Variants in GNAS observed in about 807,000 individuals in gnomAD.
GNAS encodes protein ALEX.
GNAS carries 8 observed loss-of-function variants against 54.5 expected under a neutral mutation model. The observed-to-expected ratio is 0.15, with a 90% CI of 0.09 to 0.26. The LOEUF is 0.26. GNAS is among the 10% of genes least tolerant of loss of function. The probability of loss-of-function intolerance (pLI) is 1.00; values close to 1 mark genes in which losing one functional copy is unlikely to be tolerated. For missense variants in GNAS, 170 were observed against 529.8 expected, an observed-to-expected ratio of 0.32 and a Z score of 6.67; for synonymous variants, 204 against 191.4, an observed-to-expected ratio of 1.07 and a Z score of -0.54.
rs2091289384 is a variant in GNAS at position 58,909,371 on chromosome 20, C to T, written c.607C>T (p.Leu203=). ...SDQDLLRCRV[L]TSGIFETKFQ... ...TCAGGACCTGCTTCGCTGCCGTGTC[C>T]TGACTTCTGGAATCTTTGAGACCAA... The change falls in exon 8 of 13, where the codon CTG becomes TTG. Residue 203 remains leucine (L), a synonymous_variant. Transcript: ENST00000371085. This position sits in a 1 kb window ranked among gnomAD's most constrained non-coding sequence, Gnocchi z 7.3. 2 of 1,613,918 alleles carry T rather than the reference C, an allele frequency of 1.2e-6. No homozygotes were observed. The highest frequency in any genetic ancestry group is 1.7e-6 in the Non-Finnish European group (2 of 1,179,882).
intron 1 of GNAS, among the ~76,000 whole-genome samples, chr20:58,875,241 G>A (rs1045122637): frequency 3.3e-5 from 5 of 152,102 alleles, no homozygotes; most frequent in East Asian, 1.9e-4. Context: ...CTGGGTGATC[G>A]TGGATGAGCA....
At chr20:58,869,077 C>T (rs1273670174) in intron 1 of GNAS, among the ~76,000 whole-genome samples, 2 of 152,136 alleles carry the variant, frequency 1.3e-5, no homozygotes, top group Non-Finnish European at 2.9e-5. Flanking sequence ...GGACAAATCC[C>T]GGCAACTTTT....
intron 3 of GNAS, among the ~76,000 whole-genome samples, chr20:58,902,323 C>T (rs933326165): frequency 6.6e-6 from 1 of 152,172 alleles, no homozygotes; most frequent in Non-Finnish European, 1.5e-5. Context: ...AACATAAACT[C>T]GAGAACCTTC....
At chr20:58,899,052 A>G (rs1281601950) in intron 3 of GNAS, 67 bp downstream of exon 3, 1 of 1,205,888 alleles carries the variant, frequency 8.3e-7, no homozygotes, top group African/African-American at 1.5e-5. Context: ...ATACTGGGAA[A>G]CTGAGGCCAG....
Position 58,891,499 on chromosome 20 carries a change from C to T in GNAS, c.-228C>T, listed in dbSNP as rs2089304169. On this transcript the variant is annotated 5_prime_UTR_variant, in exon 1 of 13. Transcript: ENST00000371085. Reference sequence around the variant, plus strand: ...GCCCCCTCGGCCTCGGCTCGAGGGGCGGGGAGCTGCGCGCGCCCCTCGGTC... The same window carrying T: ...GCCCCCTCGGCCTCGGCTCGAGGGGTGGGGAGCTGCGCGCGCCCCTCGGTC... 1.0e-6 allele frequency: 1 copy of T among 969,412 alleles called. No individual in the cohort carries two copies. The highest frequency in any genetic ancestry group is 4.6e-5 in the South Asian group (1 of 21,612). 60.1% of individuals were successfully genotyped at this position (969,412 alleles called of 1,614,324 possible).
At chr20:58,885,616 A>C (rs180932245) in intron 1 of GNAS, among the ~76,000 whole-genome samples, 2 of 147,884 alleles carry the variant, frequency 1.4e-5, no homozygotes, top group Admixed American at 1.3e-4. Flanking sequence ...AGTGAATATG[A>C]CAAGAAAAAA....
chr20:58,891,894 G>A (rs1488413758), intron 1 of GNAS, 29 bp downstream of exon 1: 3 of 1,063,088 alleles, frequency 2.8e-6, no homozygotes, highest in Non-Finnish European at 3.5e-6. Context: ...CGCCGGCCCC[G>A]GCCCGGGGGC....
chr20:58,898,162 C>T (rs747746064), intron 2 of GNAS: 1 of 152,196 alleles, frequency 6.6e-6, no homozygotes, highest in African/African-American at 2.4e-5. Context: ...ATTGGTTGAA[C>T]TAAGCTAATC....
intron 1 of GNAS, among the ~76,000 whole-genome samples, chr20:58,885,850 G>T (rs1184782929): frequency 1.3e-5 from 2 of 152,256 alleles, no homozygotes; most frequent in Non-Finnish European, 2.9e-5. Flanking sequence ...CACTGTGGAA[G>T]TGCTAAATAC....
At chr20:58,871,639 A>AC (rs1457327893) in intron 1 of GNAS, among the ~76,000 whole-genome samples, 2 of 149,508 alleles carry the variant, frequency 1.3e-5, no homozygotes, top group Middle Eastern at 3.2e-3. Flanking sequence ...ACAAACAACA[A>AC]AAAAAAAACC....
chr20:58,845,683 T>C (rs1040662250), intron 1 of GNAS, among the ~76,000 whole-genome samples: 1 of 152,252 alleles, frequency 6.6e-6, no homozygotes, highest in Non-Finnish European at 1.5e-5. Context: ...TTCCCTTGTT[T>C]AAAAATCTCA....
upstream of GNAS, chr20:58,889,192 A>G: frequency 8.2e-7 from 1 of 1,214,846 alleles, no homozygotes; most frequent in Non-Finnish European, 1.1e-6. Context: ...TCGCGTCGGC[A>G]CCGCGGAGCG....
chr20:58,901,081 A>T (rs151035184), intron 3 of GNAS, among the ~76,000 whole-genome samples: 380 of 152,324 alleles, frequency 2.5e-3, no homozygotes, highest in Non-Finnish European at 4.5e-3. Flanking sequence ...GATATTTAGT[A>T]CCCGAATGTA....
rs368825999 is a variant in GNAS at position 58,909,307 on chromosome 20, C to T, written c.586-43C>T. 43 of 1,589,014 alleles carry T rather than the reference C, an allele frequency of 2.7e-5. No homozygotes were observed. In the African/African-American group the frequency reaches 2.8e-4, roughly 10 times the overall value. On this transcript the variant is annotated intron_variant, in intron 7 of 12. Transcript: ENST00000371085. The surrounding 1 kb of genome is among the most constrained non-coding windows in gnomAD (Gnocchi z 7.3). ...TTTAGATTGGCAATTATTACTGTTT[C>T]GGTTGGCTTTGGTGAGATCCATTGA...
chr20:58,891,677 C>T lies in GNAS; in HGVS notation c.-50C>T. 2 of 972,726 alleles carry T rather than the reference C, an allele frequency of 2.1e-6. No homozygotes were observed. Among genetic ancestry groups the T allele is most frequent in the Non-Finnish European group, 2.4e-6 (2 of 824,040 alleles). 60.3% of individuals were successfully genotyped at this position (972,726 alleles called of 1,614,324 possible). On this transcript the variant is annotated 5_prime_UTR_variant, in exon 1 of 13. Coordinates refer to ENST00000371085, the MANE Select transcript of GNAS (RefSeq NM_000516.7). ...CTCCCGGCCCGCGTGAGGCCGCCCGCGCCCGCCGCCGCCGCAGCCCGGCCG... is the reference window on the plus strand; with the variant it reads ...CTCCCGGCCCGCGTGAGGCCGCCCGTGCCCGCCGCCGCCGCAGCCCGGCCG...
intron 1 of GNAS, among the ~76,000 whole-genome samples, chr20:58,883,205 G>A (rs1308419159): frequency 1.3e-5 from 2 of 152,148 alleles, no homozygotes; most frequent in African/African-American, 2.4e-5. Context: ...TCATTGGAAG[G>A]CCGAGTCTGT....
upstream of GNAS, chr20:58,840,139 C>T: frequency 2.5e-6 from 4 of 1,611,584 alleles, no homozygotes; most frequent in Non-Finnish European, 3.4e-6. This position sits in a 1 kb window ranked among gnomAD's most constrained non-coding sequence, Gnocchi z 6.0. Context: ...AGCAGTGGCG[C>T]CGAGCTCGCC....
rs570759065 is a variant in GNAS, at chr20:58,903,802, C to T, written c.432+11C>T. 2.0e-5 allele frequency: 32 copies of T among 1,613,966 alleles called. No individual in the cohort carries two copies. The highest frequency in any genetic ancestry group is 2.6e-5 in the Non-Finnish European group (31 of 1,179,940). On this transcript the variant is annotated intron_variant, in intron 5 of 12. Coordinates refer to ENST00000371085, the MANE Select transcript of GNAS (RefSeq NM_000516.7). ...TTTGACTTCCCTCCCGTAAGCTACA[C>T]CCCGACTTGTGTGGCCTTAGCCCCG... is the stretch of plus-strand genomic sequence containing the variant.
At chr20:58,881,239 G>A (rs966724761) in intron 1 of GNAS, among the ~76,000 whole-genome samples, 2 of 152,140 alleles carry the variant, frequency 1.3e-5, no homozygotes, top group Non-Finnish European at 2.9e-5. Context: ...GGGTCATTTC[G>A]GCTTTTCTAG....
Sources: gnomAD v4.1 joint callset for allele counts (sites outside exome capture counted in the v4.1 genomes callset) on GRCh38, gnomAD v4.1.1 for gene constraint, Gnocchi (gnomAD v3.1) non-coding constraint, MANE v1.5 for transcripts, NCBI Gene and HGNC (gene_info 2026-07-23, HGNC 2026-07-21) for gene names.